The following ANKRD44 variants were observed in gnomAD, a reference collection of about 807,000 sequenced individuals.
ANKRD44 encodes ankyrin repeat domain 44.
A neutral mutation model predicts 116.0 loss-of-function variants in ANKRD44; 35 were observed. The observed-to-expected ratio is 0.30, with a 90% CI of 0.23 to 0.40. ANKRD44 has a LOEUF of 0.40. Ranked by LOEUF, ANKRD44 falls within the 10% of genes least tolerant of loss-of-function variation. The pLI is 1.00. For missense variants in ANKRD44, 1,014 were observed against 1,242.6 expected, an observed-to-expected ratio of 0.82 and a Z score of 2.77; for synonymous variants, 435 against 461.8, an observed-to-expected ratio of 0.94 and a Z score of 0.74.
At chr2:197,151,044 C>T (rs1574556890) in intron 2 of ANKRD44, among the ~76,000 whole-genome samples, 1 of 148,330 alleles carries the variant, frequency 6.7e-6, no homozygotes, top group Non-Finnish European at 1.5e-5. Flanking sequence ...TGGTTTAGAG[C>T]TTTGAATTCA....
At chr2:197,167,400 T>G (rs2080123424) in intron 2 of ANKRD44, among the ~76,000 whole-genome samples, 1 of 152,166 alleles carries the variant, frequency 6.6e-6, no homozygotes, top group Non-Finnish European at 1.5e-5. Context: ...TCTGGCACAC[T>G]TCCTAAGATG....
chr2:197,295,926 A>T (rs2083708436), intron 1 of ANKRD44, among the ~76,000 whole-genome samples: 1 of 152,032 alleles, frequency 6.6e-6, no homozygotes, highest in Non-Finnish European at 1.5e-5. Context: ...ATGGAGGTAC[A>T]TGCCTGTAGT....
At chr2:197,138,642 G>A (rs554833303) in intron 3 of ANKRD44, among the ~76,000 whole-genome samples, 45 of 152,164 alleles carry the variant, frequency 3.0e-4, no homozygotes, top group African/African-American at 9.9e-4. Context: ...CCGCCTTTAC[G>A]TCAGGACTTT....
intron 8 of ANKRD44, among the ~76,000 whole-genome samples, chr2:197,117,002 G>C (rs1344497462): frequency 1.3e-5 from 2 of 152,132 alleles, no homozygotes; most frequent in East Asian, 3.9e-4. Flanking sequence ...ATTTATGTAT[G>C]ATAAAGCTGT....
intron 16 of ANKRD44, among the ~76,000 whole-genome samples, chr2:197,040,779 A>C (rs922919791): frequency 4.6e-5 from 7 of 152,192 alleles, no homozygotes; most frequent in African/African-American, 1.7e-4. Context: ...GTAGGACATG[A>C]ACCAGTTTTG....
intron 1 of ANKRD44, among the ~76,000 whole-genome samples, chr2:197,218,445 C>A (rs1385588655): frequency 6.6e-6 from 1 of 152,174 alleles, no homozygotes; most frequent in Non-Finnish European, 1.5e-5. Flanking sequence ...TGGCATTCTG[C>A]AGCCAAAGTG....
chr2:197,153,009 G>A (rs1029762393), intron 2 of ANKRD44, among the ~76,000 whole-genome samples: 2 of 152,002 alleles, frequency 1.3e-5, no homozygotes, highest in African/African-American at 4.8e-5. Context: ...TTAAGCCCAG[G>A]AAATTGAGAC....
intron 18 of ANKRD44, among the ~76,000 whole-genome samples, chr2:197,010,717 C>A (rs1194458960): frequency 3.5e-4 from 54 of 152,202 alleles, no homozygotes; most frequent in Admixed American, 3.4e-3. Context: ...CAAATGTGAC[C>A]TTCTCTCCTC....
At chr2:197,049,533 G>A (rs963892277) in intron 16 of ANKRD44, among the ~76,000 whole-genome samples, 2 of 152,060 alleles carry the variant, frequency 1.3e-5, no homozygotes, top group African/African-American at 4.8e-5. Flanking sequence ...TACTGTGGAG[G>A]AAACACATTC....
chr2:197,111,129 C>T (rs758973124), intron 8 of ANKRD44, among the ~76,000 whole-genome samples: 10 of 152,118 alleles, frequency 6.6e-5, no homozygotes, highest in African/African-American at 1.7e-4. Flanking sequence ...ATGTACCTGA[C>T]CTCTCAAGTT....
At chr2:197,013,056 T>C (rs995355411) in intron 18 of ANKRD44, among the ~76,000 whole-genome samples, 30 of 152,204 alleles carry the variant, frequency 2.0e-4, no homozygotes, top group African/African-American at 7.2e-4. Context: ...AGAAACATCA[T>C]TTAGGCTGGC....
intron 9 of ANKRD44, among the ~76,000 whole-genome samples, chr2:197,100,500 T>A (rs985510895): frequency 6.6e-6 from 1 of 152,144 alleles, no homozygotes; most frequent in African/African-American, 2.4e-5. Context: ...ATTGTCTTAG[T>A]TAAGAATCCA....
At chr2:197,012,595 G>A (rs1339335932) in intron 18 of ANKRD44, among the ~76,000 whole-genome samples, 1 of 151,752 alleles carries the variant, frequency 6.6e-6, no homozygotes, top group Non-Finnish European at 1.5e-5. Flanking sequence ...CAACAATTAG[G>A]TTTTTTCAAC....
At chr2:197,067,437 G>A (rs2077458369) in intron 16 of ANKRD44, among the ~76,000 whole-genome samples, 1 of 151,514 alleles carries the variant, frequency 6.6e-6, no homozygotes, top group South Asian at 2.1e-4. Context: ...TACAACATGG[G>A]AGAAAATTTT....
intron 6 of ANKRD44, among the ~76,000 whole-genome samples, chr2:197,123,003 A>G (rs1345518646): frequency 3.3e-5 from 5 of 152,250 alleles, no homozygotes; most frequent in Non-Finnish European, 1.5e-5. Flanking sequence ...GAGAAAAAAG[A>G]TGATTCATAT....
intron 2 of ANKRD44, among the ~76,000 whole-genome samples, chr2:197,159,006 C>CAT (rs1418645860): frequency 2.6e-5 from 4 of 150,968 alleles, no homozygotes; most frequent in Non-Finnish European, 4.4e-5. Context: ...CACACACACA[C>CAT]ATACACACAC....
chr2:197,079,593 G>A (rs1020307208), intron 15 of ANKRD44, among the ~76,000 whole-genome samples: 3 of 152,164 alleles, frequency 2.0e-5, no homozygotes, highest in East Asian at 1.9e-4. Flanking sequence ...TACTGCAAAC[G>A]GTCCAGTCCT....
At chr2:197,208,074 A>G (rs928514437) in intron 1 of ANKRD44, among the ~76,000 whole-genome samples, 2 of 152,262 alleles carry the variant, frequency 1.3e-5, no homozygotes, top group Admixed American at 6.5e-5. Context: ...ACTTTCCTCG[A>G]ACTTTCTAAA....
chr2:196,968,816 T>A (rs1276584220), intron 21 of ANKRD44, among the ~76,000 whole-genome samples: 6 of 152,202 alleles, frequency 3.9e-5, no homozygotes, highest in Non-Finnish European at 7.3e-5. Context: ...TCACTTTTAC[T>A]ATTGTCTTTC....
Sources: gnomAD v4.1 joint callset for allele counts (sites outside exome capture counted in the v4.1 genomes callset) on GRCh38, gnomAD v4.1.1 for gene constraint, MANE v1.5 for transcripts, NCBI Gene and HGNC (gene_info 2026-07-23, HGNC 2026-07-21) for gene names.